The following MRPL46 variants were observed in gnomAD, a reference collection of about 807,000 sequenced individuals.
MRPL46 encodes the protein large ribosomal subunit protein mL46.
A neutral mutation model predicts 31.0 loss-of-function variants in MRPL46; 26 were observed. The observed-to-expected ratio is 0.84, with a 90% CI of 0.61 to 1.16. The LOEUF (loss-of-function observed/expected upper bound fraction) is 1.16. MRPL46 is among the 50% of genes most tolerant of loss of function. The pLI is 0.00. For missense variants in MRPL46, 395 were observed against 340.0 expected, an observed-to-expected ratio of 1.16 and a Z score of -1.27; for synonymous variants, 159 against 141.3, an observed-to-expected ratio of 1.13 and a Z score of -0.89.
intron 2 of MRPL46, chr15:88,465,131 G>C (rs2055511845): frequency 1.1e-5 from 5 of 438,592 alleles, no homozygotes; most frequent in Non-Finnish European, 2.0e-5. Flanking sequence ...CTTCAAAAAA[G>C]AAACAATGAT....
rs756266228 is a variant in MRPL46 at position 88,459,647 on chromosome 15, A to T, written c.806T>A (p.Leu269Gln). 1 of 1,614,212 alleles carries T rather than the reference A, an allele frequency of 6.2e-7. No individual in the cohort carries two copies. The highest frequency in any genetic ancestry group is 1.1e-5 in the South Asian group (1 of 91,088). The change falls in exon 4 of 4, where the codon CTG becomes CAG. Residue 269 changes from leucine (L) to glutamine (Q), a missense_variant. Physicochemically the swap from Leu to Gln is moderately radical, Grantham distance 113. Transcript: ENST00000312475. ...TGAAACAAACCTCCTAACTTGGGCC[A>T]GGTATTTTGGTTTCAAATAGTCACC... Reference protein sequence around the residue: ...ELGDYLKPKYLAQVRRFVSDL With the variant: ...ELGDYLKPKYQAQVRRFVSDL
chr15:88,466,258 C>A (rs980420337), intron 1 of MRPL46, among the ~76,000 whole-genome samples: 9 of 152,170 alleles, frequency 5.9e-5, no homozygotes, highest in African/African-American at 2.2e-4. Context: ...AAGAGAAAAA[C>A]CTGTATTCAG....
intron 3 of MRPL46, 130 bp from the exon 4 acceptor site, chr15:88,459,993 G>T: frequency 8.7e-7 from 1 of 1,146,284 alleles, no homozygotes; most frequent in Non-Finnish European, 1.2e-6. Flanking sequence ...CTAGGAATAG[G>T]ACTAGAGCCA....
chr15:88,462,078 A>G (rs1306538356), intron 3 of MRPL46: 1 of 152,236 alleles, frequency 6.6e-6, no homozygotes, highest in Non-Finnish European at 1.5e-5. Flanking sequence ...CTTCTGAAAA[A>G]GGAAAATTAC....
rs2055499159 is a variant in MRPL46, at chr15:88,463,992, G to C, written c.589+711C>G. On this transcript the variant is annotated intron_variant, in intron 3 of 3. Coordinates refer to ENST00000312475, the MANE Select transcript of MRPL46 (RefSeq NM_022163.4). The surrounding 1 kb of genome is among the most constrained non-coding windows in gnomAD (Gnocchi z 5.4). ...ACAAAACCAAGGTTAAACTTACTGG[G>C]CATCTAATTCAATAGCTCAGTATAG... The C allele has an allele frequency of 6.6e-6, 1 of 152,162 alleles. No individual in the cohort carries two copies. The highest frequency in any genetic ancestry group is 2.4e-5 in the African/African-American group (1 of 41,420). 9.4% of individuals were successfully genotyped at this position (152,162 alleles called of 1,614,324 possible). A position where few individuals can be genotyped will look rare whatever the true frequency, so the allele number is the denominator to read the frequency against.
chr15:88,464,818 G>C lies in MRPL46; in HGVS notation c.474C>G (p.Val158=). 1.2e-6 allele frequency: 2 copies of C among 1,614,146 alleles called. No homozygotes were observed. Among genetic ancestry groups the C allele is most frequent in the Non-Finnish European group, 1.7e-6 (2 of 1,180,024 alleles). ...SLNRKLDRNL[V]LLVREKFGDQ... The stretch of plus-strand genomic sequence containing the variant: ...CTCCAAACTTCTCTCTGACTAACAG[G>C]ACAAGGTTCCTGTCTAGCTTCCTGT... The change falls in exon 3 of 4, where the codon GTC becomes GTG. Residue 158 remains valine, a synonymous_variant. Coordinates refer to ENST00000312475, the MANE Select transcript of MRPL46 (RefSeq NM_022163.4).
rs2142198045 is a variant in MRPL46, at chr15:88,465,070, G to C, written c.416-194C>G. On this transcript the variant is annotated intron_variant, in intron 2 of 3. Transcript: ENST00000312475. Reference sequence around the variant, plus strand: ...TCTCACAATCTTGAGGAAACTAAAAGGTAAGAAATCAAGAGGTAAGCTTCT... The same window carrying C: ...TCTCACAATCTTGAGGAAACTAAAACGTAAGAAATCAAGAGGTAAGCTTCT... The C allele has an allele frequency of 1.6e-5, 8 of 511,296 alleles. No homozygotes were observed. In the South Asian group the frequency reaches 3.0e-4, roughly 19 times the overall value. 31.7% of individuals were successfully genotyped at this position (511,296 alleles called of 1,614,324 possible). A position where few individuals can be genotyped will look rare whatever the true frequency, so the allele number is the denominator to read the frequency against.
chr15:88,467,287 T>G lies in MRPL46; in HGVS notation c.91A>C (p.Ser31Arg). The change falls in exon 1 of 4, where the codon AGC becomes CGC. Residue 31 changes from serine to arginine, a missense_variant. Ser to Arg is a moderately radical substitution (Grantham distance 110). Transcript: ENST00000312475. ...GAGGGTGCGGCTGCAAGAGCCAGGCTGCGAGAGCTTAGACTGCCGGCCCAG... is the reference window on the plus strand; with the variant it reads ...GAGGGTGCGGCTGCAAGAGCCAGGCGGCGAGAGCTTAGACTGCCGGCCCAG... The part of the protein sequence containing the change: ...RLWAGSLSSR[S>R]LALAAAPSSN... 6.2e-7 allele frequency: 1 copy of G among 1,613,288 alleles called. No homozygotes were observed. The highest frequency in any genetic ancestry group is 8.5e-7 in the Non-Finnish European group (1 of 1,179,720).
rs1339024221 is a variant in MRPL46 at position 88,463,304 on chromosome 15, T to C, written c.589+1399A>G. 1.3e-5 allele frequency: 2 copies of C among 152,228 alleles called. No homozygotes were observed. Among genetic ancestry groups the C allele is most frequent in the African/African-American group, 4.8e-5 (2 of 41,452 alleles). 9.4% of individuals were successfully genotyped at this position (152,228 alleles called of 1,614,324 possible). On this transcript the variant is annotated intron_variant, in intron 3 of 3. Transcript: ENST00000312475. This position sits in a 1 kb window ranked among gnomAD's most constrained non-coding sequence, Gnocchi z 5.4. ...GCTGTGCACCACCAAATCCATTTAG[T>C]CAACATTCAACAAATGCCTATGTGC...
Position 88,467,288 on chromosome 15 carries a change from G to A in MRPL46, c.90C>T (p.Arg30=). The A allele has an allele frequency of 6.2e-7, 1 of 1,613,306 alleles. No homozygotes were observed. Among genetic ancestry groups the A allele is most frequent in the South Asian group, 1.1e-5 (1 of 91,006 alleles). The stretch of plus-strand genomic sequence containing the variant: ...AGGGTGCGGCTGCAAGAGCCAGGCT[G>A]CGAGAGCTTAGACTGCCGGCCCAGA... ...ERLWAGSLSS[R]SLALAAAPSS... is the part of the protein sequence containing the mutation. Residue 30 remains arginine, a synonymous_variant, in exon 1 of 4, where the codon CGC becomes CGT. Transcript: ENST00000312475.
At chr15:88,465,114 T>C (rs1054745039) in intron 2 of MRPL46, 5 of 444,350 alleles carry the variant, frequency 1.1e-5, no homozygotes, top group Non-Finnish European at 2.0e-5. Flanking sequence ...CAAACCATAT[T>C]TTGAGTCTTC....
rs745655418 is a variant in MRPL46, at chr15:88,467,246, T to A, written c.132A>T (p.Pro44=). The change falls in exon 1 of 4, where the codon CCA becomes CCT. Residue 44 remains proline, a synonymous_variant. Transcript: ENST00000312475. ...LAAAPSSNGS[P]WRLLGALCLQ... is the part of the protein sequence containing the mutation. ...GGCACAACGCGCCCAACAAGCGCCA[T>A]GGGGATCCGTTGCTTGAGGGTGCGG... 98 of 1,613,962 alleles carry A rather than the reference T, an allele frequency of 6.1e-5. No homozygotes were observed. The South Asian group carries it at 8.7e-4, about 14-fold the overall frequency.
intron 3 of MRPL46, chr15:88,460,817 C>T (rs775245683): frequency 6.6e-6 from 1 of 152,128 alleles, no homozygotes; most frequent in Non-Finnish European, 1.5e-5. Context: ...TTCACTACCA[C>T]CTCAGGCTCC....
rs1188007530 is a variant in MRPL46, at chr15:88,463,156, C to A, written c.589+1547G>T. On this transcript the variant is annotated intron_variant, in intron 3 of 3. Coordinates refer to ENST00000312475, the MANE Select transcript of MRPL46 (RefSeq NM_022163.4). The surrounding 1 kb of genome is among the most constrained non-coding windows in gnomAD (Gnocchi z 5.4). ...CAGCAACCTCCTCTCCTACCATATT[C>A]CATTCTGTCTTGATGTCTCTCCTGC... 1 of 152,242 alleles carries A rather than the reference C, an allele frequency of 6.6e-6. No homozygotes were observed. The highest frequency in any genetic ancestry group is 1.5e-5 in the Non-Finnish European group (1 of 68,042). The allele number at this position is 152,242 out of a possible 1,614,324, so 9.4% of individuals were successfully genotyped here.
chr15:88,466,185 G>C (rs1473192837), intron 1 of MRPL46, among the ~76,000 whole-genome samples: 1 of 152,188 alleles, frequency 6.6e-6, no homozygotes, highest in Non-Finnish European at 1.5e-5. Flanking sequence ...TCTTCTGGGA[G>C]AGTCCTACTC....
Position 88,465,791 on chromosome 15 carries a change from G to A in MRPL46, c.229-18C>T. 3.9e-6 allele frequency: 6 copies of A among 1,542,100 alleles called. No homozygotes were observed. Among genetic ancestry groups the A allele is most frequent in the South Asian group, 3.7e-5 (3 of 80,722 alleles). Reference sequence around the variant, plus strand: ...ATCTCAATCTGGGAAAATTCAAAGGGCAAAAAACTACCTTAATCTGGCAAA... The same window carrying A: ...ATCTCAATCTGGGAAAATTCAAAGGACAAAAAACTACCTTAATCTGGCAAA... On this transcript the variant is annotated intron_variant, in intron 1 of 3. Transcript: ENST00000312475.
chr15:88,460,145 C>G (rs985920585), intron 3 of MRPL46: 1 of 409,506 alleles, frequency 2.4e-6, no homozygotes, highest in Non-Finnish European at 4.5e-6. Flanking sequence ...ACCTGGGAGT[C>G]AGAGCACCTA....
In MRPL46 at chr15:88,464,689, G is replaced by A. The variant is rs1324639153; in HGVS notation, c.589+14C>T. 1.3e-6 allele frequency: 2 copies of A among 1,587,024 alleles called. No homozygotes were observed. Among genetic ancestry groups the A allele is most frequent in the African/African-American group, 2.7e-5 (2 of 73,360 alleles). ...GTGAATTTTGTGGAATTTAGAGGAA[G>A]GCAGAAAACCCACCTGAGAGTGTGG... On this transcript the variant is annotated intron_variant, in intron 3 of 3. Coordinates refer to ENST00000312475, the MANE Select transcript of MRPL46 (RefSeq NM_022163.4).
In MRPL46 at chr15:88,459,490, C is replaced by T. The variant is rs1194006535; in HGVS notation, c.*123G>A. ...GCTGAGACCAACACAGTAATAGACT[C>T]GTTTATTTCTCAGAATTTAGTTTGC... On this transcript the variant is annotated 3_prime_UTR_variant, in exon 4 of 4. Coordinates refer to ENST00000312475, the MANE Select transcript of MRPL46 (RefSeq NM_022163.4). The T allele has an allele frequency of 3.5e-6, 5 of 1,431,522 alleles. No individual in the cohort carries two copies. The highest frequency in any genetic ancestry group is 1.3e-5 in the South Asian group (1 of 74,616). 88.7% of individuals were successfully genotyped at this position (1,431,522 alleles called of 1,614,324 possible). A position where few individuals can be genotyped will look rare whatever the true frequency, so the allele number is the denominator to read the frequency against.
Sources: gnomAD v4.1 joint callset for allele counts (sites outside exome capture counted in the v4.1 genomes callset) on GRCh38, gnomAD v4.1.1 for gene constraint, Gnocchi (gnomAD v3.1) non-coding constraint, MANE v1.5 for transcripts, NCBI Gene and HGNC (gene_info 2026-07-23, HGNC 2026-07-21) for gene names.